The following CECR2 variants were observed in gnomAD, a reference collection of about 807,000 sequenced individuals.
CECR2 encodes the protein CECR2 histone acetyl-lysine reader, also known as chromatin remodeling regulator CECR2.
In CECR2, 30 loss-of-function variants were observed where a neutral mutation model predicts 154.5. That is an observed-to-expected ratio of 0.19 (90% confidence interval 0.15 to 0.26). CECR2 has a LOEUF of 0.26. CECR2 is among the 10% of genes least tolerant of loss of function. CECR2 has a pLI of 1.00. For synonymous variants in CECR2, 725 were observed against 683.7 expected (o/e 1.06, Z -0.94); for missense variants, 1,743 against 1,829.3 (o/e 0.95, Z 0.86).
chr22:17,511,713 A>G (rs1601489456), intron 7 of CECR2, 100 bp from the exon 8 acceptor site: 3 of 979,428 alleles, frequency 3.1e-6, no homozygotes, highest in Non-Finnish European at 4.7e-6. Flanking sequence ...TGTGTGCCTC[A>G]TTGGCCACTT....
intron 1 of CECR2, among the ~76,000 whole-genome samples, chr22:17,456,109 C>A (rs992665633): frequency 4.6e-5 from 7 of 151,676 alleles, no homozygotes; most frequent in East Asian, 1.9e-4. Context: ...CAAAACCTCA[C>A]CCCTACATGT....
upstream of CECR2, among the ~76,000 whole-genome samples, chr22:17,367,471 T>C (rs2063008214): frequency 6.6e-6 from 1 of 152,116 alleles, no homozygotes; most frequent in Non-Finnish European, 1.5e-5. Flanking sequence ...TTGCAATCTC[T>C]GCCTCCCGAG....
intron 2 of CECR2, among the ~76,000 whole-genome samples, chr22:17,477,987 A>G (rs1296716326): frequency 6.6e-6 from 1 of 152,196 alleles, no homozygotes; most frequent in East Asian, 1.9e-4. Context: ...CTGATTTTGC[A>G]GTATTGGTAA....
At chr22:17,448,617 C>T (rs933435306) in intron 1 of CECR2, among the ~76,000 whole-genome samples, 3 of 152,164 alleles carry the variant, frequency 2.0e-5, no homozygotes, top group African/African-American at 7.2e-5. Context: ...ACATTATCAG[C>T]AGTGTATTTA....
At chr22:17,408,572 C>T (rs1044265460) in intron 1 of CECR2, among the ~76,000 whole-genome samples, 1 of 152,076 alleles carries the variant, frequency 6.6e-6, no homozygotes, top group African/African-American at 2.4e-5. Context: ...GCTTTCTCAC[C>T]CAAGATGTTT....
At chr22:17,479,241 C>T (rs1474695896) in intron 2 of CECR2, among the ~76,000 whole-genome samples, 2 of 152,148 alleles carry the variant, frequency 1.3e-5, no homozygotes, top group Admixed American at 6.5e-5. Flanking sequence ...CCAGGTTTCC[C>T]GTCACAGAGG....
In CECR2 at chr22:17,538,657, G is replaced by C. The variant is rs1458493953; in HGVS notation, c.1294G>C (p.Ala432Pro). Residue 432 changes from alanine (A) to proline (P), a missense_variant, in exon 12 of 19, where the codon GCT (alanine) becomes CCT (proline). Ala to Pro is a conservative substitution (Grantham distance 27). Around this residue, in one of 4 missense-constraint regions of CECR2, gnomAD observed 103 missense variants for 166.8 expected, o/e 0.62. Coordinates refer to ENST00000262608, the MANE Select transcript of CECR2 (RefSeq NM_001290047.2). ...AMYKVLDVVK[A>P]HKDSWPFLEP... is the part of the protein sequence containing the mutation. ...GCTTTCAGTTCTAGACGTGGTAAAG[G>C]CTCACAAGGATTCCTGGCCCTTCTT... The C allele has an allele frequency of 6.2e-7, 1 of 1,613,850 alleles. No homozygotes were observed. The highest frequency in any genetic ancestry group is 8.5e-7 in the Non-Finnish European group (1 of 1,179,892).
intron 1 of CECR2, among the ~76,000 whole-genome samples, chr22:17,443,403 A>T (rs900568259): frequency 6.6e-6 from 1 of 152,194 alleles, no homozygotes; most frequent in Non-Finnish European, 1.5e-5. Context: ...ATATTCAGAA[A>T]GGAAAAAAGG....
intron 14 of CECR2, among the ~76,000 whole-genome samples, chr22:17,541,257 C>T (rs934730766): frequency 2.0e-5 from 3 of 152,154 alleles, no homozygotes; most frequent in African/African-American, 7.2e-5. Flanking sequence ...AGTTCAAGAC[C>T]AGCCTAGCTA....
chr22:17,415,635 G>A (rs2054146611), intron 1 of CECR2, among the ~76,000 whole-genome samples: 1 of 152,194 alleles, frequency 6.6e-6, no homozygotes, highest in East Asian at 1.9e-4. Context: ...TCTTAAAGTA[G>A]TGTAGGGAAG....
chr22:17,549,204 C>T lies in CECR2; in HGVS notation c.3917C>T (p.Thr1306Ile), dbSNP rs2056665887. 3 of 1,614,008 alleles carry T rather than the reference C, an allele frequency of 1.9e-6. No homozygotes were observed. In the South Asian group the frequency reaches 3.3e-5, roughly 18 times the overall value. Reference protein sequence around the residue: ...FLDLDNHNAATKRQSSLSASE... With the variant: ...FLDLDNHNAAIKRQSSLSASE... ...GACCTGGACAACCATAACGCAGCTA[C>T]CAAGCGGCAGAGCTCGTTGTCAGCC... Residue 1306 changes from threonine to isoleucine, a missense_variant, in exon 17 of 19, where the codon ACC (threonine) becomes ATC (isoleucine). By Grantham distance (89) the Thr-to-Ile change is moderately conservative (BLOSUM62 -1). Transcript: ENST00000262608.
chr22:17,461,177 CTGA>C (rs770526251), intron 1 of CECR2, among the ~76,000 whole-genome samples: 3 of 152,208 alleles, frequency 2.0e-5, no homozygotes, highest in Non-Finnish European at 4.4e-5. Context: ...CCTAGTCAAT[CTGA>C]TATGAGGAAA....
At chr22:17,442,195 A>G (rs2054595069) in intron 1 of CECR2, among the ~76,000 whole-genome samples, 1 of 152,188 alleles carries the variant, frequency 6.6e-6, no homozygotes, top group Non-Finnish European at 1.5e-5. Context: ...TTCCGTGTGA[A>G]ATTCAGAATT....
intron 1 of CECR2, among the ~76,000 whole-genome samples, chr22:17,374,345 G>A (rs2063093908): frequency 6.6e-6 from 1 of 152,246 alleles, no homozygotes; most frequent in African/African-American, 2.4e-5. Flanking sequence ...GAAGAATCCA[G>A]CCCCTTAATC....
intron 1 of CECR2, among the ~76,000 whole-genome samples, chr22:17,429,996 G>A (rs1404521276): frequency 1.3e-5 from 2 of 152,172 alleles, no homozygotes; most frequent in African/African-American, 4.8e-5. Context: ...GGTTAAACCA[G>A]TTTAGACCCC....
chr22:17,492,868 G>A (rs1387122949), intron 2 of CECR2, among the ~76,000 whole-genome samples: 1 of 152,218 alleles, frequency 6.6e-6, no homozygotes, highest in Non-Finnish European at 1.5e-5. Flanking sequence ...GTGAATGAAT[G>A]TTCCAGGTAA....
intron 2 of CECR2, among the ~76,000 whole-genome samples, chr22:17,494,017 A>G (rs1448216264): frequency 2.0e-5 from 3 of 152,284 alleles, no homozygotes; most frequent in Admixed American, 2.0e-4. Flanking sequence ...AAAGAGATTT[A>G]TTGCCAAAGG....
intron 14 of CECR2, 76 bp downstream of exon 14, chr22:17,540,876 G>A: frequency 7.1e-7 from 1 of 1,409,968 alleles, no homozygotes. Flanking sequence ...CATTCAGTTA[G>A]TACTTCCTGC....
chr22:17,429,781 G>GA (rs1341103446), intron 1 of CECR2, among the ~76,000 whole-genome samples: 1 of 152,170 alleles, frequency 6.6e-6, no homozygotes, highest in African/African-American at 2.4e-5. Flanking sequence ...GTGAATAACA[G>GA]GGAGAAGCAG....
Sources: allele counts gnomAD v4.1 joint callset (sites outside exome capture counted in the v4.1 genomes callset), GRCh38; gene constraint gnomAD v4.1.1; regional missense constraint gnomAD v4.1.1; transcripts MANE v1.5; gene names NCBI Gene and HGNC (gene_info 2026-07-23, HGNC 2026-07-21).